The following DAAM2 variants were observed in gnomAD, a reference collection of about 807,000 sequenced individuals.
DAAM2 encodes dishevelled associated activator of morphogenesis 2.
DAAM2 carries 39 observed loss-of-function variants against 120.7 expected under a neutral mutation model. The ratio of observed to expected loss-of-function variants is 0.32; its 90% CI spans 0.25 to 0.42. The LOEUF is 0.42. DAAM2 is among the 10% of genes least tolerant of loss of function. The probability of loss-of-function intolerance (pLI) is 1.00; values close to 1 mark genes in which losing one functional copy is unlikely to be tolerated. For synonymous variants in DAAM2, 488 were observed against 524.9 expected (o/e 0.93, Z 0.96); for missense variants, 1,283 against 1,401.7 (o/e 0.92, Z 1.35).
chr6:39,879,200 C>A lies in DAAM2; in HGVS notation c.1568C>A (p.Pro523Gln). 6.5e-7 allele frequency: 1 copy of A among 1,549,264 alleles called. No homozygotes were observed. The highest frequency in any genetic ancestry group is 1.2e-5 in the South Asian group (1 of 83,618). Residue 523 changes from proline to glutamine, a missense_variant, in exon 14 of 25, where the codon CCA (proline) becomes CAA (glutamine). Pro to Gln is a moderately conservative substitution (Grantham distance 76). Around this residue, in one of 3 missense-constraint regions of DAAM2, gnomAD observed 748 missense variants for 768.6 expected, o/e 0.97. Transcript: ENST00000274867. ...CAGACAGGCCCTGTATCTTCCCCAC[C>A]ACCCCCTGGGGGCCCACTCACCTTG... ...ELSTGPVSSP[P>Q]PPGGPLTLSS... is the part of the protein sequence containing the mutation.
At chr6:39,793,419 G>C (rs1369457671) in intron 1 of DAAM2, among the ~76,000 whole-genome samples, 2 of 152,054 alleles carry the variant, frequency 1.3e-5, no homozygotes, top group Non-Finnish European at 2.9e-5. Flanking sequence ...ACAGATTGCT[G>C]AGATCTGGGC....
chr6:39,880,037 A>T (rs896508701), intron 14 of DAAM2: 1 of 180,694 alleles, frequency 5.5e-6, no homozygotes, highest in African/African-American at 2.4e-5. Flanking sequence ...TGATTCCTCT[A>T]TGGGACTCCC....
In DAAM2 at chr6:39,878,425, G is replaced by T; in HGVS notation, c.1382G>T (p.Arg461Leu). 1.2e-6 allele frequency: 2 copies of T among 1,612,056 alleles called. No homozygotes were observed. The highest frequency in any genetic ancestry group is 1.3e-5 in the African/African-American group (1 of 75,010). The change falls in exon 13 of 25, where the codon CGT becomes CTT. Residue 461 changes from arginine (R) to leucine (L), a missense_variant. Arg to Leu is a moderately radical substitution (Grantham distance 102). Coordinates refer to ENST00000274867, the MANE Select transcript of DAAM2 (RefSeq NM_001201427.2). This position sits in a 1 kb window ranked among gnomAD's most constrained non-coding sequence, Gnocchi z 5.0. ...CCAGAACACATGGAGCTTGTGAGCC[G>T]TCTGGAGAGGAAGGAGCGGGAATGC... ...FRKEHMELVS[R>L]LERKERECET...
intron 1 of DAAM2, among the ~76,000 whole-genome samples, chr6:39,850,770 G>A (rs1401505225): frequency 4.6e-5 from 7 of 152,190 alleles, no homozygotes; most frequent in Non-Finnish European, 8.8e-5. Flanking sequence ...TACCTTGGAA[G>A]TGACCAGGGA....
intron 5 of DAAM2, among the ~76,000 whole-genome samples, chr6:39,866,558 CTAGGTGAAACT>C (rs1355940817): frequency 1.3e-5 from 2 of 152,108 alleles, no homozygotes; most frequent in African/African-American, 4.8e-5. Context: ...CATCCGGCGC[CTAGGTGAAACT>C]TATGGACTGC....
chr6:39,844,838 A>G (rs1241216138), intron 1 of DAAM2, among the ~76,000 whole-genome samples: 1 of 149,138 alleles, frequency 6.7e-6, no homozygotes, highest in Non-Finnish European at 1.5e-5. Context: ...CGGTACAAGC[A>G]TGTGTGTTTG....
At chr6:39,857,303 A>G (rs114367055) in intron 2 of DAAM2, among the ~76,000 whole-genome samples, 1,817 of 152,368 alleles carry the variant, frequency 0.012, 29 homozygotes, top group African/African-American at 0.039. Context: ...GTGGGCCATT[A>G]GTAAGCCAGT....
rs1766132773 is a variant in DAAM2 at position 39,896,925 on chromosome 6, G to A, written c.2455G>A (p.Gly819Arg). Residue 819 changes from glycine (G) to arginine (R), a missense_variant, in exon 20 of 25, where the codon GGG becomes AGG. Around this residue, in one of 3 missense-constraint regions of DAAM2, gnomAD observed 748 missense variants for 768.6 expected, o/e 0.97. Transcript: ENST00000274867. Reference protein sequence around the residue: ...MNKGQRGGAYGFRVASLNKIA... With the variant: ...MNKGQRGGAYRFRVASLNKIA... ...CAAAGGGCAGCGTGGGGGCGCCTAC[G>A]GGTTCCGGGTGGCCAGCCTCAACAA... is the stretch of plus-strand genomic sequence containing the variant. The A allele has an allele frequency of 6.2e-7, 1 of 1,613,650 alleles. No individual in the cohort carries two copies. Among genetic ancestry groups the A allele is most frequent in the Non-Finnish European group, 8.5e-7 (1 of 1,179,746 alleles).
At chr6:39,811,421 A>C (rs908891072) in intron 1 of DAAM2, among the ~76,000 whole-genome samples, 7 of 152,114 alleles carry the variant, frequency 4.6e-5, no homozygotes, top group African/African-American at 1.7e-4. Flanking sequence ...GGTTATGTAC[A>C]TTGACTATTT....
At chr6:39,828,556 C>T (rs116217534) in intron 1 of DAAM2, among the ~76,000 whole-genome samples, 1,956 of 149,722 alleles carry the variant, frequency 0.013, 37 homozygotes, top group East Asian at 0.039. Context: ...CTAATTCCCT[C>T]CACCCCCCTC....
intron 1 of DAAM2, among the ~76,000 whole-genome samples, chr6:39,834,937 C>T (rs1415547639): frequency 6.6e-6 from 1 of 152,184 alleles, no homozygotes; most frequent in African/African-American, 2.4e-5. Flanking sequence ...ATTGCCTTCT[C>T]CAGAAAGCCT....
rs773564213 is a variant in DAAM2, at chr6:39,869,082, G to A, written c.873+149G>A. 2.5e-5 allele frequency: 16 copies of A among 650,810 alleles called. No individual in the cohort carries two copies. The East Asian group carries it at 3.6e-4, about 15-fold the overall frequency. The allele number at this position is 650,810 out of a possible 1,614,324, so 40.3% of individuals were successfully genotyped here. A position where few individuals can be genotyped will look rare whatever the true frequency, so the allele number is the denominator to read the frequency against. On this transcript the variant is annotated intron_variant, in intron 7 of 24. Coordinates refer to ENST00000274867, the MANE Select transcript of DAAM2 (RefSeq NM_001201427.2). ...TGCCTACATAGGTAGCATCATGCACGGTGGACAGACCCAGAGCTGAGCTGG... is the reference window on the plus strand; with the variant it reads ...TGCCTACATAGGTAGCATCATGCACAGTGGACAGACCCAGAGCTGAGCTGG...
intron 1 of DAAM2, among the ~76,000 whole-genome samples, chr6:39,843,174 A>G (rs1013426688): frequency 5.3e-5 from 8 of 152,162 alleles, no homozygotes; most frequent in Non-Finnish European, 1.0e-4. Context: ...TGCTGTGTGT[A>G]TGGAAAGAGC....
chr6:39,900,750 T>A (rs995957061), intron 23 of DAAM2, among the ~76,000 whole-genome samples: 27 of 149,722 alleles, frequency 1.8e-4, no homozygotes, highest in African/African-American at 4.2e-4. Context: ...AGCACACTTT[T>A]GAGTAGTGAG....
chr6:39,827,463 T>A (rs1582630555), intron 1 of DAAM2, among the ~76,000 whole-genome samples: 1 of 152,054 alleles, frequency 6.6e-6, no homozygotes, highest in African/African-American at 2.4e-5. Flanking sequence ...GCGGGGGTAG[T>A]CTTTTTCAGA....
intron 1 of DAAM2, among the ~76,000 whole-genome samples, chr6:39,837,663 CAAAAAAAAAAAAAA>C (rs758751293): frequency 2.4e-5 from 1 of 41,202 alleles, no homozygotes; most frequent in Non-Finnish European, 4.2e-5. Context: ...AACTCCATCT[CAAAAAAAAAAAAAA>C]AAAAAAAAAG....
rs114658612 is a variant in DAAM2, at chr6:39,835,692, C to T, written c.-56-20555C>T. Among the ~76,000 whole-genome samples the T allele has an allele frequency of 7.1e-3, 1,077 of 152,330 alleles. 14 individuals carry two copies. The highest frequency in any genetic ancestry group is 0.025 in the African/African-American group (1,047 of 41,554). On this transcript the variant is annotated intron_variant, in intron 1 of 24. Coordinates refer to ENST00000274867, the MANE Select transcript of DAAM2 (RefSeq NM_001201427.2). ...TTGAGGGGATGCGCATTGAGCGTAGCTATGAAAGAGACAGGGGCATGGGTT... is the reference window on the plus strand; with the variant it reads ...TTGAGGGGATGCGCATTGAGCGTAGTTATGAAAGAGACAGGGGCATGGGTT...
At chr6:39,801,285 T>C (rs149354022) in intron 1 of DAAM2, among the ~76,000 whole-genome samples, 1 of 152,352 alleles carries the variant, frequency 6.6e-6, no homozygotes, top group East Asian at 1.9e-4. Flanking sequence ...TCTCTACAAA[T>C]AGAGCTGTGG....
chr6:39,851,571 A>G (rs1763807162), intron 1 of DAAM2, among the ~76,000 whole-genome samples: 1 of 152,192 alleles, frequency 6.6e-6, no homozygotes, highest in Non-Finnish European at 1.5e-5. Flanking sequence ...CCTGAAATGT[A>G]AAAGCTGGTG....
Sources: allele counts gnomAD v4.1 joint callset (sites outside exome capture counted in the v4.1 genomes callset), GRCh38; gene constraint gnomAD v4.1.1; regional missense constraint gnomAD v4.1.1; non-coding constraint Gnocchi (gnomAD v3.1); transcripts MANE v1.5; gene names NCBI Gene and HGNC (gene_info 2026-07-23, HGNC 2026-07-21).